The following KMT2B variants were observed in gnomAD, a reference collection of about 807,000 sequenced individuals.
KMT2B encodes the protein histone-lysine N-methyltransferase 2B.
KMT2B carries 22 observed loss-of-function variants against 255.3 expected under a neutral mutation model. The observed-to-expected ratio is 0.09, with a 90% CI of 0.06 to 0.12. The LOEUF is 0.12. Ranked by LOEUF, KMT2B falls within the 10% of genes least tolerant of loss-of-function variation. The probability of loss-of-function intolerance (pLI) is 1.00; values close to 1 mark genes in which losing one functional copy is unlikely to be tolerated. For synonymous variants in KMT2B, 1,730 were observed against 1,498.1 expected, an observed-to-expected ratio of 1.15 and a Z score of -3.57; for missense variants, 3,149 against 3,737.0, an observed-to-expected ratio of 0.84 and a Z score of 4.10.
chr19:35,725,261 G>A lies in KMT2B; in HGVS notation c.3570G>A (p.Leu1190=). 7 of 1,607,506 alleles carry A rather than the reference G, an allele frequency of 4.4e-6. No individual in the cohort carries two copies. Among genetic ancestry groups the A allele is most frequent in the Non-Finnish European group, 5.9e-6 (7 of 1,176,890 alleles). ...AGAACGTGTGGCTGATGGGGGGCCT[G>A]AGTGTGCTCACCTCTGTGCCAGGGG... is the stretch of plus-strand genomic sequence containing the variant. ...DLENVWLMGG[L]SVLTSVPGGP... The change falls in exon 11 of 37, where the codon CTG becomes CTA. Residue 1190 remains leucine, a synonymous_variant. Transcript: ENST00000420124. The surrounding 1 kb of genome is among the most constrained non-coding windows in gnomAD (Gnocchi z 4.1).
chr19:35,730,682 C>T (rs1969656346), intron 25 of KMT2B, 25 bp from the exon 26 acceptor site: 1 of 1,613,948 alleles, frequency 6.2e-7, no homozygotes, highest in Non-Finnish European at 8.5e-7. Context: ...CCCAAGCATC[C>T]TAACCGTCTT....
Position 35,732,468 on chromosome 19 carries a change from G to C in KMT2B, c.5919G>C (p.Leu1973=). 6.2e-7 allele frequency: 1 copy of C among 1,613,846 alleles called. No homozygotes were observed. The highest frequency in any genetic ancestry group is 8.5e-7 in the Non-Finnish European group (1 of 1,179,836). The part of the protein sequence containing the change: ...PAPSPPPPED[L]GPDFEDMEVV... ...CATCTCCACCACCCCCTGAAGACCTGGGCCCAGACTTCGAGGACATGGAGG... is the reference window on the plus strand; with the variant it reads ...CATCTCCACCACCCCCTGAAGACCTCGGCCCAGACTTCGAGGACATGGAGG... Residue 1973 remains leucine (L), a synonymous_variant, in exon 28 of 37, where the codon CTG becomes CTC. Coordinates refer to ENST00000420124, the MANE Select transcript of KMT2B (RefSeq NM_014727.3).
intron 3 of KMT2B, 81 bp downstream of exon 3, chr19:35,721,885 T>TA (rs1969228915): frequency 4.8e-6 from 7 of 1,444,640 alleles, no homozygotes; most frequent in African/African-American, 1.4e-5. Flanking sequence ...TCCGCCTCCT[T>TA]GGACACTTTC....
At chr19:35,719,313 C>T (rs1379080546) in intron 1 of KMT2B, among the ~76,000 whole-genome samples, 156 bp from the exon 2 acceptor site, 1 of 152,184 alleles carries the variant, frequency 6.6e-6, no homozygotes, top group African/African-American at 2.4e-5. Context: ...GAGACCCTCT[C>T]TTCCACTACC....
In KMT2B at chr19:35,733,553, T is replaced by A. The variant is rs1408081698; in HGVS notation, c.6960-44T>A. 1.3e-6 allele frequency: 2 copies of A among 1,555,726 alleles called. No homozygotes were observed. The highest frequency in any genetic ancestry group is 3.9e-5 in the Admixed American group (2 of 51,420). ...CTGGCAGAGCAGGCAAGGGGGCAGATGGGCGGGAGATGCGGCTCATCCTTC... is the reference window on the plus strand; with the variant it reads ...CTGGCAGAGCAGGCAAGGGGGCAGAAGGGCGGGAGATGCGGCTCATCCTTC... On this transcript the variant is annotated intron_variant, in intron 28 of 36. Transcript: ENST00000420124. This position sits in a 1 kb window ranked among gnomAD's most constrained non-coding sequence, Gnocchi z 4.3.
intron 30 of KMT2B, among the ~76,000 whole-genome samples, chr19:35,734,633 G>A (rs528264707): frequency 9.2e-5 from 14 of 152,296 alleles, no homozygotes; most frequent in Admixed American, 3.3e-4. Flanking sequence ...GAAAGCAGGT[G>A]TTTATGCAGA....
At position 35,721,210 on chromosome 19, in the gene KMT2B, T is replaced by TGC; in HGVS notation, c.1863_1864insGC (p.Pro622AlafsTer39). On this transcript the variant is annotated frameshift_variant, in exon 3 of 37. Transcript: ENST00000420124. LOFTEE classifies it high-confidence loss of function. Reference sequence around the variant, plus strand: ...CACTGACCCGGGAGCTGCCCCCTCCTCCCCCAGCCCCTCCACCTCCCCCGG... The same window carrying TGC: ...CACTGACCCGGGAGCTGCCCCCTCCTGCCCCCCAGCCCCTCCACCTCCCCCGG... The TGC allele has an allele frequency of 1.4e-5, 11 of 810,540 alleles. No individual in the cohort carries two copies. The highest frequency in any genetic ancestry group is 8.3e-5 in the East Asian group (1 of 12,026). 50.2% of individuals were successfully genotyped at this position (810,540 alleles called of 1,614,324 possible). A position where few individuals can be genotyped will look rare whatever the true frequency, so the allele number is the denominator to read the frequency against.
In KMT2B at chr19:35,737,442, G is replaced by A. The variant is rs570577612; in HGVS notation, c.7550+179G>A. 1,378 of 816,334 alleles carry A rather than the reference G, an allele frequency of 1.7e-3. 23 individuals are homozygous for A. The Middle Eastern group carries it at 0.019, about 11-fold the overall frequency. 50.6% of individuals were successfully genotyped at this position (816,334 alleles called of 1,614,324 possible). A position where few individuals can be genotyped will look rare whatever the true frequency, so the allele number is the denominator to read the frequency against. Reference sequence around the variant, plus strand: ...CATGCCTGTAATCCCGCCACTTTGGGAGGCCGAGGCAGGAGGATCGCATGA... The same window carrying A: ...CATGCCTGTAATCCCGCCACTTTGGAAGGCCGAGGCAGGAGGATCGCATGA... On this transcript the variant is annotated intron_variant, in intron 33 of 36. Coordinates refer to ENST00000420124, the MANE Select transcript of KMT2B (RefSeq NM_014727.3). This position sits in a 1 kb window ranked among gnomAD's most constrained non-coding sequence, Gnocchi z 5.3.
Position 35,733,048 on chromosome 19 carries a change from C to A in KMT2B, c.6499C>A (p.Pro2167Thr). ...ADPTRTFAWL[P>T]GAPGVRVLSL... The stretch of plus-strand genomic sequence containing the variant: ...CCCCACCCGCACATTTGCCTGGCTC[C>A]CAGGGGCCCCAGGGGTCCGGGTGTT... Residue 2167 changes from proline (P) to threonine (T), a missense_variant, in exon 28 of 37, where the codon CCA becomes ACA. Physicochemically the swap from Pro to Thr is conservative, Grantham distance 38 (BLOSUM62 -1). Around this residue, in one of 18 missense-constraint regions of KMT2B, gnomAD observed 897 missense variants for 825.3 expected, o/e 1.09. Coordinates refer to ENST00000420124, the MANE Select transcript of KMT2B (RefSeq NM_014727.3). This position sits in a 1 kb window ranked among gnomAD's most constrained non-coding sequence, Gnocchi z 4.3. 6.3e-7 allele frequency: 1 copy of A among 1,581,334 alleles called. No individual in the cohort carries two copies. Among genetic ancestry groups the A allele is most frequent in the Non-Finnish European group, 8.6e-7 (1 of 1,163,566 alleles).
chr19:35,729,340 G>A (rs753934211), intron 22 of KMT2B, 44 bp downstream of exon 22: 27 of 1,556,808 alleles, frequency 1.7e-5, no homozygotes, highest in Non-Finnish European at 2.3e-5. Flanking sequence ...TCTGGCTCTT[G>A]GGGAGGCCTC....
In KMT2B at chr19:35,737,747, T is replaced by C. The variant is rs772899301; in HGVS notation, c.7658+4T>C. On this transcript the variant is annotated splice_donor_region_variant and intron_variant, in intron 34 of 36. Coordinates refer to ENST00000420124, the MANE Select transcript of KMT2B (RefSeq NM_014727.3). The surrounding 1 kb of genome is among the most constrained non-coding windows in gnomAD (Gnocchi z 5.3). ...AGGTGCAGCTCAGGTCAACCAGGTA[T>C]GGAGTGTGAGCTGGGGGGCGGGTGG... 4.1e-5 allele frequency: 64 copies of C among 1,571,032 alleles called. No individual in the cohort carries two copies. Among genetic ancestry groups the C allele is most frequent in the Non-Finnish European group, 5.3e-5 (61 of 1,157,370 alleles).
Position 35,732,870 on chromosome 19 carries a change from G to A in KMT2B, c.6321G>A (p.Glu2107=), listed in dbSNP as rs200327646. Residue 2107 remains glutamate, a synonymous_variant, in exon 28 of 37, where the codon GAG becomes GAA. Coordinates refer to ENST00000420124, the MANE Select transcript of KMT2B (RefSeq NM_014727.3). ...CAGGGGACAGGGCCCGGCCTCCTGA[G>A]GACCTGCCATCGGAAATTGTGGATT... ...GAAGDRARPP[E]DLPSEIVDFV... 3.8e-3 allele frequency: 6,106 copies of A among 1,610,122 alleles called. 13 individuals are homozygous for A. The highest frequency in any genetic ancestry group is 5.0e-3 in the Admixed American group (301 of 59,628).
chr19:35,736,885 T>C (rs779816342), intron 31 of KMT2B, 27 bp from the exon 32 acceptor site: 1 of 1,613,874 alleles, frequency 6.2e-7, no homozygotes. Context: ...CCATCCTGAC[T>C]CAGCTCTGGC....
At position 35,721,468 on chromosome 19, in the gene KMT2B, C is replaced by G. The variant is rs766349704; in HGVS notation, c.2121C>G (p.Phe707Leu). 6.2e-7 allele frequency: 1 copy of G among 1,612,582 alleles called. No individual in the cohort carries two copies. Among genetic ancestry groups the G allele is most frequent in the African/African-American group, 1.3e-5 (1 of 74,862 alleles). Reference protein sequence around the residue: ...GRTNHLSLPRFAPVVTTPVKA... With the variant: ...GRTNHLSLPRLAPVVTTPVKA... ...CCAACCACCTCAGCCTGCCTCGATT[C>G]GCCCCTGTGGTCACCACTCCTGTTA... Residue 707 changes from phenylalanine to leucine, a missense_variant, in exon 3 of 37, where the codon TTC becomes TTG. Transcript: ENST00000420124.
Position 35,733,318 on chromosome 19 carries a change from C to A in KMT2B, c.6769C>A (p.Pro2257Thr). 2 of 1,508,934 alleles carry A rather than the reference C, an allele frequency of 1.3e-6. No individual in the cohort carries two copies. The highest frequency in any genetic ancestry group is 1.8e-6 in the Non-Finnish European group (2 of 1,112,262). 93.5% of individuals were successfully genotyped at this position (1,508,934 alleles called of 1,614,324 possible). A position where few individuals can be genotyped will look rare whatever the true frequency, so the allele number is the denominator to read the frequency against. ...GVVRPAPPPP[P>T]PPLTLVLSSG... The stretch of plus-strand genomic sequence containing the variant: ...GGTCCGCCCTGCCCCGCCCCCGCCA[C>A]CCCCTCCCCTGACGCTGGTGCTGAG... The change falls in exon 28 of 37, where the codon CCC (proline) becomes ACC (threonine). Residue 2257 changes from proline (P) to threonine (T), a missense_variant. By Grantham distance (38) the Pro-to-Thr change is conservative. Around this residue, in one of 18 missense-constraint regions of KMT2B, gnomAD observed 897 missense variants for 825.3 expected, o/e 1.09. Transcript: ENST00000420124. This position sits in a 1 kb window ranked among gnomAD's most constrained non-coding sequence, Gnocchi z 4.3.
Position 35,720,302 on chromosome 19 carries a change from T to A in KMT2B, c.955T>A (p.Leu319Met), listed in dbSNP as rs1418078771. The part of the protein sequence containing the change: ...SRAKKVKMGQ[L>M]SLGLESGQGQ... ...GGCCAAAAAAGTAAAGATGGGACAA[T>A]TGTCCTTGGGACTCGAATCAGGTCA... The change falls in exon 3 of 37, where the codon TTG (leucine) becomes ATG (methionine). Residue 319 changes from leucine (L) to methionine (M), a missense_variant. Leu to Met is a conservative substitution (Grantham distance 15). Transcript: ENST00000420124. 12 of 1,613,266 alleles carry A rather than the reference T, an allele frequency of 7.4e-6. No homozygotes were observed. The highest frequency in any genetic ancestry group is 9.3e-6 in the Non-Finnish European group (11 of 1,179,720).
rs771550753 is a variant in KMT2B at position 35,723,071 on chromosome 19, G to A, written c.2799G>A (p.Gly933=). 8.1e-6 allele frequency: 13 copies of A among 1,613,028 alleles called. No homozygotes were observed. The highest frequency in any genetic ancestry group is 1.3e-5 in the African/African-American group (1 of 74,884). The change falls in exon 6 of 37, where the codon GGG becomes GGA. Residue 933 remains glycine (G), a synonymous_variant. Coordinates refer to ENST00000420124, the MANE Select transcript of KMT2B (RefSeq NM_014727.3). This position sits in a 1 kb window ranked among gnomAD's most constrained non-coding sequence, Gnocchi z 7.5. ...GAAAGGTGGAGGCAGCAGGCCCTGG[G>A]GGAGAATCAGAGCCCACAGGTTCTG... ...RRGKVEAAGP[G]GESEPTGSGG...
At position 35,732,739 on chromosome 19, in the gene KMT2B, G is replaced by T; in HGVS notation, c.6190G>T (p.Val2064Leu). The part of the protein sequence containing the change: ...GAPRIEQLDG[V>L]DDGTDSEAEA... ...CCCCCGCATTGAACAGCTGGACGGCGTGGACGACGGCACTGACAGTGAGGC... is the reference window on the plus strand; with the variant it reads ...CCCCCGCATTGAACAGCTGGACGGCTTGGACGACGGCACTGACAGTGAGGC... Residue 2064 changes from valine to leucine, a missense_variant, in exon 28 of 37, where the codon GTG becomes TTG. This residue lies in a region of KMT2B where 897 missense variants were observed against 825.3 expected (regional missense o/e 1.09). Coordinates refer to ENST00000420124, the MANE Select transcript of KMT2B (RefSeq NM_014727.3). 6.2e-7 allele frequency: 1 copy of T among 1,610,468 alleles called. No homozygotes were observed. The highest frequency in any genetic ancestry group is 8.5e-7 in the Non-Finnish European group (1 of 1,178,748).
intron 1 of KMT2B, among the ~76,000 whole-genome samples, chr19:35,719,004 T>G (rs1185678338): frequency 6.6e-6 from 1 of 152,158 alleles, no homozygotes; most frequent in Non-Finnish European, 1.5e-5. Context: ...AATAACAACC[T>G]GAGAGCTCGC....
Sources: allele counts gnomAD v4.1 joint callset (sites outside exome capture counted in the v4.1 genomes callset), GRCh38; gene constraint gnomAD v4.1.1; regional missense constraint gnomAD v4.1.1; non-coding constraint Gnocchi (gnomAD v3.1); transcripts MANE v1.5; gene names NCBI Gene and HGNC (gene_info 2026-07-23, HGNC 2026-07-21).